DOCK9: variants seen among roughly 807,000 people sequenced by gnomAD.
DOCK9 encodes the protein dedicator of cytokinesis protein 9.
DOCK9 carries 89 observed loss-of-function variants against 263.3 expected under a neutral mutation model. The observed-to-expected ratio is 0.34, with a 90% CI of 0.28 to 0.40. DOCK9 has a LOEUF of 0.40. Ranked by LOEUF, DOCK9 falls within the 10% of genes least tolerant of loss-of-function variation. The pLI is 1.00. For synonymous variants in DOCK9, 976 were observed against 973.1 expected (o/e 1.00, Z -0.06); for missense variants, 2,140 against 2,603.4 (o/e 0.82, Z 3.87).
At chr13:99,046,486 G>A (rs117684567) in intron 1 of DOCK9, among the ~76,000 whole-genome samples, 4,100 of 152,264 alleles carry the variant, frequency 0.027, 89 homozygotes, top group Middle Eastern at 0.044. Flanking sequence ...CCTTAGCTGC[G>A]CTCCGGAAAA....
intron 2 of DOCK9, among the ~76,000 whole-genome samples, chr13:98,947,427 C>T (rs1458452319): frequency 1.3e-5 from 2 of 149,824 alleles, no homozygotes; most frequent in Non-Finnish European, 3.0e-5. Flanking sequence ...AAAAATCAAT[C>T]ACTATTTCCT....
At chr13:99,078,213 A>C (rs1461260698) in intron 1 of DOCK9, among the ~76,000 whole-genome samples, 1 of 152,156 alleles carries the variant, frequency 6.6e-6, no homozygotes, top group African/African-American at 2.4e-5. Flanking sequence ...CATGCGGTAG[A>C]AGCGGGGAGA....
intron 48 of DOCK9, among the ~76,000 whole-genome samples, chr13:98,806,579 C>T (rs754885263): frequency 9.9e-5 from 15 of 151,922 alleles, no homozygotes; most frequent in Non-Finnish European, 1.8e-4. Flanking sequence ...GGAAAAGTGC[C>T]TGAAACTTTA....
upstream of DOCK9, among the ~76,000 whole-genome samples, chr13:98,979,563 T>G (rs1461622207): frequency 1.3e-5 from 2 of 152,106 alleles, no homozygotes; most frequent in Non-Finnish European, 2.9e-5. Context: ...TGAATATCAA[T>G]TATGTAACGA....
rs764415163 is a variant in DOCK9 at position 98,902,404 on chromosome 13, A to G, written c.1264T>C (p.Phe422Leu). The G allele has an allele frequency of 1.9e-6, 3 of 1,614,030 alleles. No individual in the cohort carries two copies. The South Asian group carries it at 3.3e-5, about 18-fold the overall frequency. ...SADFHVDLNH[F>L]SVRQMLATTS... ...GTGGCGAGCATTTGCCTCACTGAGA[A>G]ATGGTTCAGGTCTACGTGGAAATCG... The change falls in exon 12 of 53, where the codon TTC becomes CTC. Residue 422 changes from phenylalanine (F) to leucine (L), a missense_variant. Physicochemically the swap from Phe to Leu is conservative, Grantham distance 22. Around this residue, in one of 2 missense-constraint regions of DOCK9, gnomAD observed 1,521 missense variants for 1,741.7 expected, o/e 0.87. Transcript: ENST00000682017.
Position 98,885,727 on chromosome 13 carries a change from C to A in DOCK9, c.2241G>T (p.Arg747Ser). The A allele has an allele frequency of 6.2e-7, 1 of 1,611,150 alleles. No individual in the cohort carries two copies. Among genetic ancestry groups the A allele is most frequent in the Non-Finnish European group, 8.5e-7 (1 of 1,179,144 alleles). The change falls in exon 20 of 53, where the codon AGG (arginine) becomes AGT (serine). Residue 747 changes from arginine (R) to serine (S), a missense_variant. By Grantham distance (110) the Arg-to-Ser change is moderately radical (BLOSUM62 -1). Around this residue, in one of 2 missense-constraint regions of DOCK9, gnomAD observed 1,521 missense variants for 1,741.7 expected, o/e 0.87. Coordinates refer to ENST00000682017, the MANE Select transcript of DOCK9 (RefSeq NM_001366683.2). ...DNSSKGSTKK[R>S]DVVETQVGYS... The stretch of plus-strand genomic sequence containing the variant: ...CCCAACCTTGGGTTTCAACGACATC[C>A]CTCTTCTTCGTGCTTCCTTTACTTG...
chr13:98,881,844 A>G, intron 24 of DOCK9, 48 bp downstream of exon 24: 1 of 1,466,604 alleles, frequency 6.8e-7, no homozygotes, highest in Non-Finnish European at 9.4e-7. Flanking sequence ...TATGCTCCAG[A>G]TGTGGACAGA....
intron 27 of DOCK9, among the ~76,000 whole-genome samples, chr13:98,877,701 G>C (rs992984004): frequency 6.6e-6 from 1 of 152,058 alleles, no homozygotes; most frequent in Non-Finnish European, 1.5e-5. Context: ...CAGAGCACTC[G>C]TCATGAGGTA....
intron 2 of DOCK9, among the ~76,000 whole-genome samples, chr13:98,940,639 T>G (rs1457023023): frequency 6.6e-6 from 1 of 152,168 alleles, no homozygotes; most frequent in Non-Finnish European, 1.5e-5. Context: ...CTAACATAGA[T>G]TCTATAATCC....
At chr13:98,842,255 TC>T (rs1176202496) in intron 38 of DOCK9, among the ~76,000 whole-genome samples, 4 of 152,166 alleles carry the variant, frequency 2.6e-5, no homozygotes, top group Non-Finnish European at 4.4e-5. Context: ...CAGCTGGGCC[TC>T]CTCCAGTCTG....
intron 1 of DOCK9, among the ~76,000 whole-genome samples, chr13:99,003,202 T>C (rs1882716127): frequency 6.6e-6 from 1 of 152,216 alleles, no homozygotes; most frequent in Non-Finnish European, 1.5e-5. Context: ...GATGATGGTG[T>C]TGGTGAACTA....
At chr13:99,009,081 C>T (rs1302552348) in intron 1 of DOCK9, among the ~76,000 whole-genome samples, 1 of 152,152 alleles carries the variant, frequency 6.6e-6, no homozygotes, top group Non-Finnish European at 1.5e-5. Flanking sequence ...TTAGTTTCTA[C>T]AATAAGTGTG....
intron 1 of DOCK9, among the ~76,000 whole-genome samples, chr13:99,050,139 A>T (rs184589115): frequency 2.0e-5 from 3 of 152,388 alleles, no homozygotes; most frequent in South Asian, 4.1e-4. Context: ...AGCCATGGAC[A>T]GCAAGTAAAA....
intron 7 of DOCK9, among the ~76,000 whole-genome samples, chr13:98,919,346 G>A (rs1401468896): frequency 2.0e-5 from 3 of 152,088 alleles, no homozygotes; most frequent in East Asian, 3.9e-4. Context: ...CTGACCATCC[G>A]CCTCTGCCTC....
At chr13:98,817,451 CTTTTTTT>C (rs10683281) in intron 45 of DOCK9, among the ~76,000 whole-genome samples, 44,803 of 99,596 alleles carry the variant, frequency 0.45, 9,424 homozygotes, top group East Asian at 0.72. Flanking sequence ...ATACACCCAG[CTTTTTTT>C]TTTTTTTTTT....
intron 45 of DOCK9, chr13:98,820,603 T>G (rs1049598136): frequency 3.0e-6 from 1 of 338,226 alleles, no homozygotes. Flanking sequence ...CCCAGGTACA[T>G]TACTCGTATA....
intron 1 of DOCK9, among the ~76,000 whole-genome samples, chr13:99,045,064 T>G (rs1445150508): frequency 6.6e-6 from 1 of 152,204 alleles, no homozygotes; most frequent in Admixed American, 6.5e-5. Context: ...TGTGGGACTG[T>G]AAATTAGTGA....
intron 1 of DOCK9, among the ~76,000 whole-genome samples, chr13:98,986,162 A>G (rs1223547731): frequency 6.6e-6 from 1 of 152,274 alleles, no homozygotes; most frequent in Non-Finnish European, 1.5e-5. Flanking sequence ...AGCGGAAAAC[A>G]CAAATTGCCG....
intron 25 of DOCK9, 112 bp from the exon 26 acceptor site, chr13:98,880,784 G>A: frequency 1.5e-6 from 2 of 1,372,164 alleles, no homozygotes; most frequent in East Asian, 2.5e-5. Flanking sequence ...ATCATTTGTG[G>A]GAGAGGAAGG....
Sources: allele counts gnomAD v4.1 joint callset (sites outside exome capture counted in the v4.1 genomes callset), GRCh38; gene constraint gnomAD v4.1.1; regional missense constraint gnomAD v4.1.1; transcripts MANE v1.5; gene names NCBI Gene and HGNC (gene_info 2026-07-23, HGNC 2026-07-21).